Variants in ALPK2 observed in about 807,000 individuals in gnomAD.
The protein encoded by ALPK2 is alpha-protein kinase 2.
In ALPK2, 127 loss-of-function variants were observed where a neutral mutation model predicts 163.1. That is an observed-to-expected ratio of 0.78 (90% CI 0.67 to 0.90). ALPK2 has a LOEUF of 0.90. Ranked by LOEUF, ALPK2 falls within the 40% of genes least tolerant of loss-of-function variation. ALPK2 has a pLI of 0.00. For synonymous variants in ALPK2, 953 were observed against 959.1 expected (o/e 0.99, Z 0.12); for missense variants, 2,360 against 2,589.6 (o/e 0.91, Z 1.92).
intron 4 of ALPK2, among the ~76,000 whole-genome samples, chr18:58,567,549 G>A (rs923172752): frequency 6.6e-6 from 1 of 152,074 alleles, no homozygotes; most frequent in African/African-American, 2.4e-5. Context: ...ACCTGAACAC[G>A]AGACATCCAA....
At position 58,572,251 on chromosome 18, in the gene ALPK2, A is replaced by G. The variant is rs535570578; in HGVS notation, c.1962+6563T>C. Among the ~76,000 whole-genome samples the G allele has an allele frequency of 1.4e-3, 213 of 152,282 alleles. 2 individuals carry two copies. The highest frequency in any genetic ancestry group is 2.4e-3 in the Non-Finnish European group (164 of 68,016). ...GAATCAAAAATAATGACAATACCAA[A>G]TGCTGGTGCAGATGTGGCGTAACTG... On this transcript the variant is annotated intron_variant, in intron 4 of 12. Coordinates refer to ENST00000361673, the MANE Select transcript of ALPK2 (RefSeq NM_052947.4).
At chr18:58,501,765 A>G (rs1394012323) in intron 11 of ALPK2, among the ~76,000 whole-genome samples, 3 of 152,174 alleles carry the variant, frequency 2.0e-5, no homozygotes, top group African/African-American at 4.8e-5. Context: ...CATAATATCT[A>G]TCTTCTCTGC....
intron 5 of ALPK2, among the ~76,000 whole-genome samples, chr18:58,533,109 G>A (rs575543687): frequency 4.6e-5 from 7 of 152,324 alleles, no homozygotes; most frequent in South Asian, 4.1e-4. Context: ...GGCTGCCCTC[G>A]CATCTACCTG....
At chr18:58,513,686 G>A (rs994190815) in intron 10 of ALPK2, among the ~76,000 whole-genome samples, 6 of 152,194 alleles carry the variant, frequency 3.9e-5, no homozygotes, top group Non-Finnish European at 1.5e-5. Flanking sequence ...AGGCCAGCCT[G>A]GGCAACATAC....
chr18:58,618,108 C>G (rs750732303), intron 1 of ALPK2, among the ~76,000 whole-genome samples: 1 of 152,152 alleles, frequency 6.6e-6, no homozygotes, highest in Non-Finnish European at 1.5e-5. Flanking sequence ...TGCAATGGCA[C>G]GATCTCGGGT....
chr18:58,557,365 C>G (rs372948294), intron 4 of ALPK2, among the ~76,000 whole-genome samples: 3 of 150,448 alleles, frequency 2.0e-5, no homozygotes, highest in Non-Finnish European at 4.4e-5. Flanking sequence ...TAGACATCGT[C>G]CAAACCCACA....
intron 3 of ALPK2, among the ~76,000 whole-genome samples, chr18:58,595,589 C>T (rs1333236957): frequency 4.6e-5 from 7 of 152,160 alleles, no homozygotes; most frequent in South Asian, 2.1e-4. Flanking sequence ...TTGGATGGGT[C>T]CTGTGATCTC....
intron 4 of ALPK2, among the ~76,000 whole-genome samples, chr18:58,572,794 G>A (rs1001930006): frequency 1.3e-5 from 2 of 152,176 alleles, no homozygotes; most frequent in African/African-American, 4.8e-5. Context: ...TCCGTATCTT[G>A]ACTCTGGTAG....
Position 58,498,042 on chromosome 18 carries a change from T to C in ALPK2, c.6296+7A>G. On this transcript the variant is annotated splice_region_variant and intron_variant, in intron 12 of 12. Transcript: ENST00000361673. ...AATTGATGCACACTCCATTTTTTCCTACTCACCCTTTAGCCAGCGTTGCTA... is the reference window on the plus strand; with the variant it reads ...AATTGATGCACACTCCATTTTTTCCCACTCACCCTTTAGCCAGCGTTGCTA... 6.2e-7 allele frequency: 1 copy of C among 1,614,014 alleles called. No homozygotes were observed.
At chr18:58,560,052 G>A (rs553532809) in intron 4 of ALPK2, among the ~76,000 whole-genome samples, 7 of 152,288 alleles carry the variant, frequency 4.6e-5, no homozygotes, top group Admixed American at 1.3e-4. Flanking sequence ...GAGGAGTGAC[G>A]TGGTTTGGCT....
At chr18:58,506,127 C>T (rs148726745) in intron 10 of ALPK2, among the ~76,000 whole-genome samples, 62 of 152,242 alleles carry the variant, frequency 4.1e-4, no homozygotes, top group East Asian at 2.1e-3. Flanking sequence ...ACCATCTCCA[C>T]GTGATGTCTC....
intron 8 of ALPK2, among the ~76,000 whole-genome samples, chr18:58,522,731 C>T (rs534134609): frequency 1.3e-5 from 2 of 152,114 alleles, no homozygotes; most frequent in Non-Finnish European, 2.9e-5. Flanking sequence ...GGGCTGAATG[C>T]AAGACCGATG....
Position 58,536,698 on chromosome 18 carries a change from T to G in ALPK2, c.3489A>C (p.Ala1163=). 3 of 1,614,196 alleles carry G rather than the reference T, an allele frequency of 1.9e-6. No homozygotes were observed. The highest frequency in any genetic ancestry group is 2.7e-5 in the African/African-American group (2 of 75,056). Residue 1163 remains alanine (A), a synonymous_variant, in exon 5 of 13, where the codon GCA becomes GCC. Coordinates refer to ENST00000361673, the MANE Select transcript of ALPK2 (RefSeq NM_052947.4). Reference sequence around the variant, plus strand: ...TGGGCACCAAGTTTCTTTCCTCTTGTGCAGCAGATGTCGTAGGCAAACTTT... The same window carrying G: ...TGGGCACCAAGTTTCTTTCCTCTTGGGCAGCAGATGTCGTAGGCAAACTTT... ...FQQSLPTTSA[A]QEERNLVPTA...
intron 3 of ALPK2, among the ~76,000 whole-genome samples, chr18:58,590,411 T>C (rs920873295): frequency 5.3e-5 from 8 of 152,058 alleles, no homozygotes; most frequent in East Asian, 1.9e-4. Flanking sequence ...GGGAGGCCTC[T>C]GAAGCTCCCC....
At chr18:58,489,265 T>C (rs1192930636) in intron 12 of ALPK2, among the ~76,000 whole-genome samples, 1 of 152,198 alleles carries the variant, frequency 6.6e-6, no homozygotes, top group Non-Finnish European at 1.5e-5. Context: ...TGAAAATGTT[T>C]CAAAGCCGTG....
At chr18:58,534,047 A>G (rs529943581) in intron 5 of ALPK2, among the ~76,000 whole-genome samples, 3 of 152,322 alleles carry the variant, frequency 2.0e-5, no homozygotes, top group East Asian at 3.9e-4. Context: ...GTGGGGAGAG[A>G]AAGAAGAGCT....
chr18:58,603,848 C>A (rs1451187766), intron 3 of ALPK2, among the ~76,000 whole-genome samples: 1 of 152,148 alleles, frequency 6.6e-6, no homozygotes, highest in Non-Finnish European at 1.5e-5. Context: ...ACAGTGCATA[C>A]CATAATGTGA....
intron 4 of ALPK2, among the ~76,000 whole-genome samples, chr18:58,550,509 AC>A (rs1375552381): frequency 1.2e-4 from 18 of 151,642 alleles, no homozygotes; most frequent in Middle Eastern, 3.5e-3. Flanking sequence ...ATCATATACA[AC>A]CCCATCCCCA....
intron 1 of ALPK2, among the ~76,000 whole-genome samples, chr18:58,613,714 T>TA (rs2052148795): frequency 1.9e-5 from 1 of 53,500 alleles, no homozygotes; most frequent in African/African-American, 1.1e-4. Context: ...AAAAAAATAA[T>TA]AATAATAATA....
Sources: gnomAD v4.1 joint callset for allele counts (sites outside exome capture counted in the v4.1 genomes callset) on GRCh38, gnomAD v4.1.1 for gene constraint, MANE v1.5 for transcripts, NCBI Gene and HGNC (gene_info 2026-07-23, HGNC 2026-07-21) for gene names.